PITPNC1: variants seen among roughly 807,000 people sequenced by gnomAD.
The protein encoded by PITPNC1 is cytoplasmic phosphatidylinositol transfer protein 1.
PITPNC1 carries 18 observed loss-of-function variants against 44.7 expected under a neutral mutation model. That is an observed-to-expected ratio of 0.40 (90% confidence interval 0.28 to 0.60). PITPNC1 has a LOEUF of 0.60. Ranked by LOEUF, PITPNC1 falls within the 20% of genes least tolerant of loss-of-function variation. The pLI is 0.39. For synonymous variants in PITPNC1, 141 were observed against 149.6 expected, an observed-to-expected ratio of 0.94 and a Z score of 0.42; for missense variants, 290 against 418.4, an observed-to-expected ratio of 0.69 and a Z score of 2.68.
chr17:67,451,002 G>A (rs2039167087), intron 1 of PITPNC1, among the ~76,000 whole-genome samples: 1 of 152,064 alleles, frequency 6.6e-6, no homozygotes, highest in Non-Finnish European at 1.5e-5. Flanking sequence ...ATGTTTTCAA[G>A]GTTCAGCTGT....
rs571244476 is a variant in PITPNC1, at chr17:67,676,825, T to A, written c.682+1283T>A. Reference sequence around the variant, plus strand: ...TCTATAAGCTATGGGCTTTTCTTTTTTTTTTCTTTTTTTCTTACCTCCTTT... The same window carrying A: ...TCTATAAGCTATGGGCTTTTCTTTTATTTTTCTTTTTTTCTTACCTCCTTT... On this transcript the variant is annotated intron_variant, in intron 8 of 8. Transcript: ENST00000581322. The surrounding 1 kb of genome is among the most constrained non-coding windows in gnomAD (Gnocchi z 4.0). 2.0e-5 allele frequency among the ~76,000 whole-genome samples: 3 copies of A among 152,116 alleles called. No individual in the cohort carries two copies. The highest frequency in any genetic ancestry group is 4.4e-5 in the Non-Finnish European group (3 of 68,026).
rs1470280743 is a variant in PITPNC1, at chr17:67,475,757, AT to A, written c.49-57044del. The stretch of plus-strand genomic sequence containing the variant: ...TGCGTGTTTGCTTTGTAGGTTGTGC[AT>A]CAGTAAGCACAATCAGGATTCAGTG... On this transcript the variant is annotated intron_variant, in intron 1 of 8. Transcript: ENST00000581322. Among the ~76,000 whole-genome samples the A allele has an allele frequency of 1.3e-5, 2 of 152,202 alleles. 1 individual carries two copies. Among genetic ancestry groups the A allele is most frequent in the Admixed American group, 1.3e-4 (2 of 15,276 alleles).
intron 1 of PITPNC1, among the ~76,000 whole-genome samples, chr17:67,452,904 C>A (rs1478091785): frequency 6.6e-6 from 1 of 152,222 alleles, no homozygotes; most frequent in Non-Finnish European, 1.5e-5. Flanking sequence ...GGGTTTGCCA[C>A]ATCCTTGTCA....
chr17:67,420,579 C>A (rs1038955209), intron 1 of PITPNC1, among the ~76,000 whole-genome samples: 17 of 151,982 alleles, frequency 1.1e-4, no homozygotes, highest in Non-Finnish European at 1.2e-4. Context: ...TTACAGTCAT[C>A]CACCACCACG....
At position 67,597,452 on chromosome 17, in the gene PITPNC1, G is replaced by T. The variant is rs776894721; in HGVS notation, c.366+19195G>T. On this transcript the variant is annotated intron_variant, in intron 5 of 8. Transcript: ENST00000581322. This position sits in a 1 kb window ranked among gnomAD's most constrained non-coding sequence, Gnocchi z 4.0. ...ACCTGTAATCACAGCTACTCAGGAG[G>T]CTGAGGCAGGAGAATCACTTGAATA... is the stretch of plus-strand genomic sequence containing the variant. 4.5e-4 allele frequency among the ~76,000 whole-genome samples: 68 copies of T among 152,236 alleles called. No homozygotes were observed. Among genetic ancestry groups the T allele is most frequent in the Non-Finnish European group, 9.1e-4 (62 of 68,012 alleles).
intron 2 of PITPNC1, among the ~76,000 whole-genome samples, chr17:67,551,023 T>C (rs1021934016): frequency 6.6e-6 from 1 of 152,086 alleles, no homozygotes; most frequent in East Asian, 1.9e-4. Flanking sequence ...ACTGCACCAG[T>C]GCACTCCAGC....
chr17:67,552,241 C>T lies in PITPNC1; in HGVS notation c.198-16C>T, dbSNP rs774906366. On this transcript the variant is annotated splice_polypyrimidine_tract_variant and intron_variant, in intron 2 of 8. Coordinates refer to ENST00000581322, the MANE Select transcript of PITPNC1 (RefSeq NM_012417.4). ...TGAACAGACTCCAATTGTCTTTTTT[C>T]TTTCTTTCCTCTTAGCAAACTGCCT... 7.1e-7 allele frequency: 1 copy of T among 1,403,770 alleles called. No individual in the cohort carries two copies. Among genetic ancestry groups the T allele is most frequent in the Non-Finnish European group, 1.0e-6 (1 of 989,686 alleles). 87.0% of individuals were successfully genotyped at this position (1,403,770 alleles called of 1,614,324 possible). A position where few individuals can be genotyped will look rare whatever the true frequency, so the allele number is the denominator to read the frequency against.
Position 67,530,068 on chromosome 17 carries a change from C to T in PITPNC1, c.49-2734C>T, listed in dbSNP as rs528107874. 2.5e-4 allele frequency among the ~76,000 whole-genome samples: 36 copies of T among 145,192 alleles called. No individual in the cohort carries two copies. The South Asian group carries it at 5.7e-3, about 23-fold the overall frequency. On this transcript the variant is annotated intron_variant, in intron 1 of 8. Transcript: ENST00000581322. ...TGTGGGGTGAGGGAAGGATCCGGTTCGGACCTCAACCCTTGGCTTTTTTTT... is the reference window on the plus strand; with the variant it reads ...TGTGGGGTGAGGGAAGGATCCGGTTTGGACCTCAACCCTTGGCTTTTTTTT...
chr17:67,462,366 G>A (rs957821372), intron 1 of PITPNC1, among the ~76,000 whole-genome samples: 2 of 151,026 alleles, frequency 1.3e-5, no homozygotes, highest in Non-Finnish European at 2.9e-5. Context: ...TGAGTAGCCA[G>A]GATTATAGGC....
At chr17:67,502,752 T>C (rs1395867742) in intron 1 of PITPNC1, among the ~76,000 whole-genome samples, 1 of 49,344 alleles carries the variant, frequency 2.0e-5, no homozygotes, top group African/African-American at 4.7e-5. Context: ...TGCATTGTAT[T>C]GTATTGTATT....
At chr17:67,526,732 CAAA>C (rs34938426) in intron 1 of PITPNC1, among the ~76,000 whole-genome samples, 1 of 117,858 alleles carries the variant, frequency 8.5e-6, no homozygotes. Context: ...GACTCCATCT[CAAA>C]AAAAAAAAAA....
intron 1 of PITPNC1, among the ~76,000 whole-genome samples, chr17:67,502,510 A>G (rs1292349685): frequency 6.6e-6 from 1 of 152,136 alleles, no homozygotes; most frequent in Non-Finnish European, 1.5e-5. Flanking sequence ...GCCCTAGTCA[A>G]TCTATAGTGG....
rs1480057117 is a variant in PITPNC1, at chr17:67,495,046, TTTTTTG to T, written c.49-37750_49-37745del. On this transcript the variant is annotated intron_variant, in intron 1 of 8. Coordinates refer to ENST00000581322, the MANE Select transcript of PITPNC1 (RefSeq NM_012417.4). ...AATATTGAGCCATGGAGTTGTTTTT[TTTTTTG>T]TTTTTTTTTTTTTTTTTTTTTTGAG... 4.2e-3 allele frequency among the ~76,000 whole-genome samples: 260 copies of T among 62,290 alleles called. 15 individuals carry two copies. Among genetic ancestry groups the T allele is most frequent in the African/African-American group, 0.011 (173 of 15,074 alleles). The allele number at this position is 62,290 out of a possible 152,430, so 40.9% of individuals were successfully genotyped here.
intron 4 of PITPNC1, among the ~76,000 whole-genome samples, chr17:67,571,682 G>A (rs150009355): frequency 8.5e-5 from 13 of 152,322 alleles, no homozygotes; most frequent in East Asian, 7.7e-4. Context: ...GTTCTTCTCC[G>A]GCTGTCACTC....
chr17:67,442,211 A>G (rs1355433491), intron 1 of PITPNC1, among the ~76,000 whole-genome samples: 1 of 64,312 alleles, frequency 1.6e-5, no homozygotes, highest in African/African-American at 1.0e-4. Context: ...AAGCATATAT[A>G]TATATATATA....
chr17:67,488,764 GTC>G (rs1568010660), intron 1 of PITPNC1, among the ~76,000 whole-genome samples: 1 of 152,126 alleles, frequency 6.6e-6, no homozygotes, highest in Admixed American at 6.5e-5. Flanking sequence ...GCAGCCGCCC[GTC>G]TCTGAATTTC....
Position 67,566,247 on chromosome 17 carries a change from A to G in PITPNC1, c.295-11939A>G, listed in dbSNP as rs145205141. Among the ~76,000 whole-genome samples, 550 of 152,260 alleles carry G rather than the reference A, an allele frequency of 3.6e-3. 1 individual carries two copies. Among genetic ancestry groups the G allele is most frequent in the African/African-American group, 0.013 (529 of 41,534 alleles). On this transcript the variant is annotated intron_variant, in intron 4 of 8. Coordinates refer to ENST00000581322, the MANE Select transcript of PITPNC1 (RefSeq NM_012417.4). ...GATACAGGGGCTTGCTCTGTCACCCAGGCTGGAGTGCAGTGGCGCGATCTT... is the reference window on the plus strand; with the variant it reads ...GATACAGGGGCTTGCTCTGTCACCCGGGCTGGAGTGCAGTGGCGCGATCTT...
At chr17:67,577,308 G>C (rs1269319782) in intron 4 of PITPNC1, among the ~76,000 whole-genome samples, 1 of 149,590 alleles carries the variant, frequency 6.7e-6, no homozygotes, top group Non-Finnish European at 1.5e-5. Context: ...AAAATAAAAA[G>C]AAGGCCGGGC....
At chr17:67,396,478 C>A (rs2038222382) in intron 1 of PITPNC1, among the ~76,000 whole-genome samples, 1 of 151,868 alleles carries the variant, frequency 6.6e-6, no homozygotes, top group African/African-American at 2.4e-5. Flanking sequence ...TCAAGCAATT[C>A]TCCTGCCTTA....
Sources: allele counts gnomAD v4.1 joint callset (sites outside exome capture counted in the v4.1 genomes callset), GRCh38; gene constraint gnomAD v4.1.1; non-coding constraint Gnocchi (gnomAD v3.1); transcripts MANE v1.5; gene names NCBI Gene and HGNC (gene_info 2026-07-23, HGNC 2026-07-21).